The following PCLO variants were observed in gnomAD, a reference collection of about 807,000 sequenced individuals.
PCLO encodes the protein protein piccolo.
In PCLO, 82 loss-of-function variants were observed where a neutral mutation model predicts 427.5. The observed-to-expected ratio is 0.19, with a 90% CI of 0.16 to 0.23. The LOEUF (loss-of-function observed/expected upper bound fraction) is 0.23. PCLO is among the 10% of genes least tolerant of loss of function. The pLI, the probability that PCLO is intolerant of heterozygous loss-of-function variation, is 1.00. For missense variants in PCLO, 6,239 were observed against 6,115.9 expected, an observed-to-expected ratio of 1.02 and a Z score of -0.67; for synonymous variants, 2,357 against 2,155.4, an observed-to-expected ratio of 1.09 and a Z score of -2.59.
intron 3 of PCLO, among the ~76,000 whole-genome samples, chr7:83,000,279 G>C (rs1170021569): frequency 6.9e-6 from 1 of 145,450 alleles, no homozygotes; most frequent in African/African-American, 2.6e-5. Context: ...GAGAGAGAGA[G>C]AGAGAGAGAG....
At chr7:83,091,987 T>C (rs960199255) in intron 3 of PCLO, among the ~76,000 whole-genome samples, 3 of 152,166 alleles carry the variant, frequency 2.0e-5, no homozygotes, top group African/African-American at 7.2e-5. Flanking sequence ...AATTTTTTTT[T>C]CACTGGTTCA....
chr7:82,981,896 T>A (rs1009485555), intron 3 of PCLO, among the ~76,000 whole-genome samples: 1 of 152,104 alleles, frequency 6.6e-6, no homozygotes, highest in African/African-American at 2.4e-5. Flanking sequence ...TAATAGAATA[T>A]TAAATAATCA....
intron 3 of PCLO, among the ~76,000 whole-genome samples, chr7:83,039,578 C>A (rs1246485232): frequency 6.6e-6 from 1 of 152,090 alleles, no homozygotes; most frequent in Admixed American, 6.6e-5. Flanking sequence ...CTATGTAGTA[C>A]CACATTAACT....
chr7:82,825,468 A>G (rs1045112607), intron 18 of PCLO, among the ~76,000 whole-genome samples: 7 of 151,934 alleles, frequency 4.6e-5, no homozygotes, highest in Non-Finnish European at 8.8e-5. Flanking sequence ...GAGATGTGCA[A>G]AGTCTTAAGA....
intron 22 of PCLO, among the ~76,000 whole-genome samples, chr7:82,796,486 C>A (rs1484411604): frequency 6.6e-6 from 1 of 152,044 alleles, no homozygotes; most frequent in Non-Finnish European, 1.5e-5. Context: ...TGGCCTCATT[C>A]ATTGCCACAT....
chr7:83,054,090 A>G (rs937940585), intron 3 of PCLO, among the ~76,000 whole-genome samples: 9 of 152,082 alleles, frequency 5.9e-5, no homozygotes, highest in African/African-American at 1.9e-4. Flanking sequence ...AAAATTTTCA[A>G]TAGCCACTGC....
chr7:82,928,835 T>C (rs1427414166), intron 6 of PCLO, among the ~76,000 whole-genome samples: 5 of 152,124 alleles, frequency 3.3e-5, no homozygotes, highest in African/African-American at 4.8e-5. Context: ...TACTGTACAG[T>C]GGTATACAGA....
At chr7:82,820,391 T>C (rs1163363224) in intron 20 of PCLO, 3 of 453,784 alleles carry the variant, frequency 6.6e-6, no homozygotes, top group Non-Finnish European at 6.1e-6. Flanking sequence ...GTAATTAAAA[T>C]CTATTGCAAC....
At chr7:82,828,929 C>T (rs1425769883) in intron 16 of PCLO, among the ~76,000 whole-genome samples, 1 of 152,148 alleles carries the variant, frequency 6.6e-6, no homozygotes, top group African/African-American at 2.4e-5. Context: ...GGGGTCTTGA[C>T]ATGTGTCTGG....
Position 82,911,570 on chromosome 7 carries a change from T to G in PCLO, c.13301-2557A>C, listed in dbSNP as rs192868243. On this transcript the variant is annotated intron_variant, in intron 7 of 24. Transcript: ENST00000333891. ...GTTTAATTCTTCTCAGTATCAAATATCGGTGAAATATATATACTTTTAAAA... is the reference window on the plus strand; with the variant it reads ...GTTTAATTCTTCTCAGTATCAAATAGCGGTGAAATATATATACTTTTAAAA... Among the ~76,000 whole-genome samples, 8 of 152,180 alleles carry G rather than the reference T, an allele frequency of 5.3e-5. No homozygotes were observed. The East Asian group carries it at 1.2e-3, about 22-fold the overall frequency.
intron 10 of PCLO, among the ~76,000 whole-genome samples, chr7:82,849,310 C>A (rs117497704): frequency 0.015 from 2,265 of 152,172 alleles, 35 homozygotes; most frequent in Non-Finnish European, 0.021. Flanking sequence ...TAACTAGGGT[C>A]TCGCCTGGAT....
intron 17 of PCLO, among the ~76,000 whole-genome samples, chr7:82,826,898 G>T (rs1664248054): frequency 6.6e-6 from 1 of 151,904 alleles, no homozygotes; most frequent in Admixed American, 6.6e-5. Context: ...TGAATAAAAT[G>T]ATAATTCTTA....
At chr7:83,024,536 C>T (rs1011402986) in intron 3 of PCLO, among the ~76,000 whole-genome samples, 3 of 152,144 alleles carry the variant, frequency 2.0e-5, no homozygotes, top group African/African-American at 4.8e-5. Flanking sequence ...GGGAGGGGCG[C>T]CCGCCATTGC....
chr7:83,137,500 G>A (rs781338985), intron 2 of PCLO, among the ~76,000 whole-genome samples: 2 of 152,046 alleles, frequency 1.3e-5, no homozygotes, highest in African/African-American at 2.4e-5. Flanking sequence ...GTGCGATCTC[G>A]GCTCACTGCA....
chr7:82,786,220 G>A (rs564554751), intron 22 of PCLO, among the ~76,000 whole-genome samples: 15 of 152,252 alleles, frequency 9.9e-5, no homozygotes, highest in Admixed American at 9.2e-4. Context: ...CCGTGGAAAT[G>A]AGACAGTGAT....
chr7:83,002,720 C>T (rs1253205827), intron 3 of PCLO, among the ~76,000 whole-genome samples: 1 of 151,744 alleles, frequency 6.6e-6, no homozygotes, highest in Non-Finnish European at 1.5e-5. Context: ...AATGGTGATA[C>T]AAATTTGCCT....
At chr7:82,868,907 C>T (rs1397985842) in intron 10 of PCLO, among the ~76,000 whole-genome samples, 1 of 152,094 alleles carries the variant, frequency 6.6e-6, no homozygotes, top group African/African-American at 2.4e-5. Flanking sequence ...CAAAGTTGAA[C>T]AACTTATCAA....
At chr7:82,765,812 A>G (rs530916513) in intron 22 of PCLO, among the ~76,000 whole-genome samples, 3 of 152,238 alleles carry the variant, frequency 2.0e-5, no homozygotes, top group Admixed American at 2.0e-4. Context: ...TCACAGGAAA[A>G]TAAAGGATCT....
chr7:83,059,364 A>ATATATATATATG (rs1789484980), intron 3 of PCLO, among the ~76,000 whole-genome samples: 1 of 115,054 alleles, frequency 8.7e-6, no homozygotes, highest in South Asian at 2.8e-4. Flanking sequence ...TAAAATATAT[A>ATATATATATATG]TATATATATA....
Sources: gnomAD v4.1 joint callset for allele counts (sites outside exome capture counted in the v4.1 genomes callset) on GRCh38, gnomAD v4.1.1 for gene constraint, MANE v1.5 for transcripts, NCBI Gene and HGNC (gene_info 2026-07-23, HGNC 2026-07-21) for gene names.